CTNNA3: variants seen among roughly 807,000 people sequenced by gnomAD.
CTNNA3 encodes the protein catenin alpha 3.
Under a neutral mutation model 95.7 loss-of-function variants are expected in CTNNA3, and 76 were observed. The observed-to-expected ratio is 0.79, with a 90% CI of 0.66 to 0.96. The LOEUF (loss-of-function observed/expected upper bound fraction) is 0.96. CTNNA3 is among the 40% of genes least tolerant of loss of function. The probability of loss-of-function intolerance (pLI) is 0.00; values close to 1 mark genes in which losing one functional copy is unlikely to be tolerated. For missense variants in CTNNA3, 1,191 were observed against 1,089.8 expected (o/e 1.09, Z -1.31); for synonymous variants, 431 against 374.4 (o/e 1.15, Z -1.74).
intron 7 of CTNNA3, among the ~76,000 whole-genome samples, chr10:67,107,792 G>C (rs7894109): frequency 0.55 from 84,280 of 152,050 alleles, 24,711 homozygotes; most frequent in African/African-American, 0.76. Flanking sequence ...ACACTGGGAA[G>C]GTGCACTCGG....
chr10:66,696,022 A>G (rs1847750247), intron 9 of CTNNA3, among the ~76,000 whole-genome samples: 1 of 152,070 alleles, frequency 6.6e-6, no homozygotes, highest in Admixed American at 6.6e-5. Context: ...AGGAGTTGGT[A>G]TGGCATTCTC....
At chr10:66,341,949 ATG>A (rs199987220) in intron 12 of CTNNA3, among the ~76,000 whole-genome samples, 1 of 151,074 alleles carries the variant, frequency 6.6e-6, no homozygotes, top group Non-Finnish European at 1.5e-5. Flanking sequence ...AGGCATCATT[ATG>A]TGTGTGTGTG....
intron 17 of CTNNA3, among the ~76,000 whole-genome samples, chr10:65,951,822 G>A (rs2077619829): frequency 6.6e-6 from 1 of 152,164 alleles, no homozygotes; most frequent in Non-Finnish European, 1.5e-5. Context: ...GAGGTCAGGA[G>A]ATCGAGACCA....
intron 12 of CTNNA3, among the ~76,000 whole-genome samples, chr10:66,282,307 T>C (rs2132164119): frequency 6.6e-6 from 1 of 151,952 alleles, no homozygotes; most frequent in East Asian, 1.9e-4. Flanking sequence ...AATCTAGACC[T>C]TTCTCCTTAA....
chr10:66,006,009 C>CTTTTTT (rs11415177), intron 15 of CTNNA3, among the ~76,000 whole-genome samples: 2,558 of 115,900 alleles, frequency 0.022, 118 homozygotes, highest in African/African-American at 0.082. Context: ...CAAGGAAAGC[C>CTTTTTT]TTTTTTTTTT....
At chr10:66,818,067 A>G (rs1309373222) in intron 7 of CTNNA3, among the ~76,000 whole-genome samples, 1 of 147,064 alleles carries the variant, frequency 6.8e-6, no homozygotes, top group Non-Finnish European at 1.5e-5. Context: ...GGCACAGAAA[A>G]TAATCCAACG....
intron 12 of CTNNA3, among the ~76,000 whole-genome samples, chr10:66,292,655 C>T (rs2091703853): frequency 6.6e-6 from 1 of 152,098 alleles, no homozygotes; most frequent in Non-Finnish European, 1.5e-5. Context: ...GGATAAAACC[C>T]AAAATACCTA....
chr10:66,675,160 C>A (rs1408767430), intron 9 of CTNNA3, among the ~76,000 whole-genome samples: 1 of 152,006 alleles, frequency 6.6e-6, no homozygotes, highest in Non-Finnish European at 1.5e-5. Context: ...CCTCTCAGGG[C>A]TTCCTTACCT....
intron 2 of CTNNA3, among the ~76,000 whole-genome samples, chr10:67,639,490 T>A (rs139600777): frequency 2.6e-5 from 4 of 152,162 alleles, no homozygotes; most frequent in Non-Finnish European, 4.4e-5. Context: ...GAGGGAATCC[T>A]CCCTAACTCA....
chr10:66,901,358 C>T (rs1279404396), intron 7 of CTNNA3, among the ~76,000 whole-genome samples: 2 of 152,146 alleles, frequency 1.3e-5, no homozygotes, highest in Non-Finnish European at 2.9e-5. Context: ...GTCTGCCTTA[C>T]AAGAGCTCCT....
At chr10:67,412,522 A>G (rs1015930085) in intron 5 of CTNNA3, among the ~76,000 whole-genome samples, 1 of 152,078 alleles carries the variant, frequency 6.6e-6, no homozygotes, top group Non-Finnish European at 1.5e-5. Flanking sequence ...GCCAGATACT[A>G]TACAAGATGA....
chr10:67,134,834 T>C (rs2132027908), intron 7 of CTNNA3, among the ~76,000 whole-genome samples: 1 of 152,166 alleles, frequency 6.6e-6, no homozygotes, highest in Middle Eastern at 3.4e-3. Flanking sequence ...CCAGAAGTTA[T>C]GAGTTCCAAA....
At chr10:66,920,186 A>ATCTGTAACAGAAC (rs1564767106) in intron 7 of CTNNA3, among the ~76,000 whole-genome samples, 3 of 152,006 alleles carry the variant, frequency 2.0e-5, no homozygotes, top group Admixed American at 2.0e-4. Context: ...GATTGCAGAA[A>ATCTGTAACAGAAC]TATCTGTAAC....
intron 3 of CTNNA3, among the ~76,000 whole-genome samples, chr10:67,591,988 C>T (rs982974208): frequency 6.6e-5 from 10 of 152,124 alleles, no homozygotes; most frequent in Admixed American, 2.0e-4. Flanking sequence ...ACCTGAAAAT[C>T]GAACTGCCAG....
At chr10:66,608,738 G>A (rs551867549) in intron 10 of CTNNA3, among the ~76,000 whole-genome samples, 5 of 152,154 alleles carry the variant, frequency 3.3e-5, no homozygotes, top group South Asian at 2.1e-4. Flanking sequence ...CTAGCCATAC[G>A]CAGAAGGTTG....
chr10:66,977,638 G>T (rs1352666294), intron 7 of CTNNA3, among the ~76,000 whole-genome samples: 1 of 152,156 alleles, frequency 6.6e-6, no homozygotes, highest in Non-Finnish European at 1.5e-5. Flanking sequence ...CTCTAAATTT[G>T]TAGATGTAAG....
intron 9 of CTNNA3, among the ~76,000 whole-genome samples, chr10:66,742,672 C>T (rs543867860): frequency 1.3e-5 from 2 of 152,250 alleles, no homozygotes; most frequent in African/African-American, 4.8e-5. Context: ...GACCGGCTGA[C>T]ACTTAGGGAA....
intron 10 of CTNNA3, among the ~76,000 whole-genome samples, chr10:66,543,907 G>GTATATATA (rs1554815314): frequency 6.9e-5 from 2 of 28,946 alleles, no homozygotes; most frequent in African/African-American, 2.9e-4. Context: ...AGATGTGTGT[G>GTATATATA]TGTGTATATA....
intron 12 of CTNNA3, among the ~76,000 whole-genome samples, chr10:66,295,822 G>T (rs878981561): frequency 1.3e-5 from 2 of 152,134 alleles, no homozygotes; most frequent in Non-Finnish European, 2.9e-5. Flanking sequence ...ATTGTCCCAC[G>T]TTCTGTCAGG....
Sources: gnomAD v4.1 joint callset for allele counts (sites outside exome capture counted in the v4.1 genomes callset) on GRCh38, gnomAD v4.1.1 for gene constraint, MANE v1.5 for transcripts, NCBI Gene and HGNC (gene_info 2026-07-23, HGNC 2026-07-21) for gene names.